Variants in DYTN observed in about 807,000 individuals in gnomAD.
DYTN encodes the protein dystrotelin.
Under a neutral mutation model 69.6 loss-of-function variants are expected in DYTN, and 75 were observed. The observed-to-expected ratio is 1.08, with a 90% confidence interval of 0.89 to 1.31. DYTN has a LOEUF of 1.31. DYTN is among the 50% of genes most tolerant of loss of function. The probability of loss-of-function intolerance (pLI) is 0.00; values close to 1 mark genes in which losing one functional copy is unlikely to be tolerated. For synonymous variants in DYTN, 252 were observed against 249.1 expected (o/e 1.01, Z -0.11); for missense variants, 726 against 688.4 (o/e 1.05, Z -0.61).
At chr2:206,696,024 A>G (rs1167427989) in intron 7 of DYTN, among the ~76,000 whole-genome samples, 3 of 152,252 alleles carry the variant, frequency 2.0e-5, no homozygotes, top group African/African-American at 7.2e-5. Context: ...GGAAGGTTGA[A>G]GTAATAACTT....
chr2:206,712,540 G>A (rs967891181), intron 1 of DYTN, among the ~76,000 whole-genome samples: 3 of 152,178 alleles, frequency 2.0e-5, no homozygotes, highest in African/African-American at 7.2e-5. Context: ...TTCAAAGGCA[G>A]GAGAGATTCC....
intron 9 of DYTN, among the ~76,000 whole-genome samples, chr2:206,689,953 T>C (rs1019149335): frequency 6.6e-6 from 1 of 152,206 alleles, no homozygotes; most frequent in Non-Finnish European, 1.5e-5. Context: ...ATTCTGGCAA[T>C]ACAACTGGAA....
At chr2:206,682,333 C>T (rs1456542400) in intron 9 of DYTN, among the ~76,000 whole-genome samples, 2 of 151,996 alleles carry the variant, frequency 1.3e-5, no homozygotes, top group Admixed American at 6.6e-5. Context: ...TAATCCAGCT[C>T]CTGGATTCAT....
At chr2:206,706,850 T>C (rs1035717325) in intron 3 of DYTN, among the ~76,000 whole-genome samples, 1 of 150,734 alleles carries the variant, frequency 6.6e-6, no homozygotes, top group African/African-American at 2.4e-5. Flanking sequence ...TGGTCTACAC[T>C]GGTTTATAGG....
At chr2:206,706,156 C>G (rs1011922138) in intron 3 of DYTN, among the ~76,000 whole-genome samples, 6 of 152,096 alleles carry the variant, frequency 3.9e-5, no homozygotes, top group African/African-American at 1.4e-4. Context: ...AGGGATAAAC[C>G]CTGTTTTCAT....
At chr2:206,714,134 T>A (rs1700105161) in intron 1 of DYTN, among the ~76,000 whole-genome samples, 1 of 152,240 alleles carries the variant, frequency 6.6e-6, no homozygotes, top group Non-Finnish European at 1.5e-5. Flanking sequence ...GTTCATCTTG[T>A]AAGTCTAAGC....
intron 5 of DYTN, among the ~76,000 whole-genome samples, chr2:206,702,434 A>G (rs1699985321): frequency 6.6e-6 from 1 of 152,258 alleles, no homozygotes; most frequent in South Asian, 2.1e-4. Flanking sequence ...CTTTGCTGAC[A>G]ATTAGCCAGG....
chr2:206,681,490 G>T (rs1158391899), intron 9 of DYTN, among the ~76,000 whole-genome samples: 1 of 152,162 alleles, frequency 6.6e-6, no homozygotes, highest in African/African-American at 2.4e-5. Flanking sequence ...TGCCCATTCA[G>T]TATGATATTG....
At chr2:206,669,781 A>G (rs971726185) in intron 9 of DYTN, among the ~76,000 whole-genome samples, 3 of 152,146 alleles carry the variant, frequency 2.0e-5, no homozygotes, top group Non-Finnish European at 2.9e-5. Flanking sequence ...TTTAATATTT[A>G]AATTATTTTG....
chr2:206,672,183 A>G (rs946979915), intron 9 of DYTN, among the ~76,000 whole-genome samples: 3 of 152,222 alleles, frequency 2.0e-5, no homozygotes, highest in Non-Finnish European at 4.4e-5. Context: ...TATTTATAAT[A>G]TTTTAACTTC....
intron 1 of DYTN, among the ~76,000 whole-genome samples, chr2:206,711,733 C>G (rs74612328): frequency 1.3e-5 from 2 of 151,984 alleles, no homozygotes; most frequent in Admixed American, 6.6e-5. Context: ...TATCCCTCCC[C>G]CTTCCCCCCA....
chr2:206,703,484 G>A (rs1699995373), intron 5 of DYTN, among the ~76,000 whole-genome samples: 1 of 151,896 alleles, frequency 6.6e-6, no homozygotes, highest in African/African-American at 2.4e-5. Context: ...CAGCTCAGAA[G>A]TATCTATGCC....
intron 1 of DYTN, among the ~76,000 whole-genome samples, chr2:206,710,900 T>C (rs957772424): frequency 3.3e-5 from 5 of 152,206 alleles, no homozygotes; most frequent in African/African-American, 7.2e-5. Flanking sequence ...AAAAACTACA[T>C]GTAGAATATA....
intron 9 of DYTN, among the ~76,000 whole-genome samples, chr2:206,682,032 T>G (rs1050889914): frequency 6.6e-6 from 1 of 152,210 alleles, no homozygotes; most frequent in Non-Finnish European, 1.5e-5. Flanking sequence ...GGTAGGCCAT[T>G]ACTTACTGCC....
chr2:206,679,528 CATATA>C lies in DYTN; in HGVS notation c.981-13504_981-13500del, dbSNP rs1699727147. On this transcript the variant is annotated intron_variant, in intron 9 of 11. Transcript: ENST00000452335. ...GTTTATCACGTCAAATCTGAAAGAA[CATATA>C]ATATATCAGACTAGTTTAAGGTCAG... Among the ~76,000 whole-genome samples, 3 of 152,270 alleles carry C rather than the reference CATATA, an allele frequency of 2.0e-5. No homozygotes were observed. In the South Asian group the frequency reaches 6.2e-4, roughly 32 times the overall value.
chr2:206,707,530 C>G (rs1290979601), intron 2 of DYTN, 27 bp from the exon 3 acceptor site: 4 of 1,584,948 alleles, frequency 2.5e-6, no homozygotes, highest in Non-Finnish European at 2.6e-6. Context: ...AAGAATTGAG[C>G]CTTATTTTCT....
intron 11 of DYTN, among the ~76,000 whole-genome samples, chr2:206,661,735 T>G (rs535194417): frequency 6.6e-6 from 1 of 152,358 alleles, no homozygotes; most frequent in South Asian, 2.1e-4. Context: ...TTATGTTCAT[T>G]GGTAAGGCTT....
chr2:206,712,744 A>T (rs1574605658), intron 1 of DYTN, among the ~76,000 whole-genome samples: 2 of 152,208 alleles, frequency 1.3e-5, no homozygotes, highest in East Asian at 3.8e-4. Context: ...AAATTCCAAT[A>T]GTGTCAACTG....
At chr2:206,682,944 C>G (rs1420575337) in intron 9 of DYTN, among the ~76,000 whole-genome samples, 1 of 151,844 alleles carries the variant, frequency 6.6e-6, no homozygotes, top group African/African-American at 2.4e-5. Flanking sequence ...TCTATTAGCC[C>G]AAGTATACAA....
Sources: allele counts gnomAD v4.1 joint callset (sites outside exome capture counted in the v4.1 genomes callset), GRCh38; gene constraint gnomAD v4.1.1; transcripts MANE v1.5; gene names NCBI Gene and HGNC (gene_info 2026-07-23, HGNC 2026-07-21).